Variants in ARVCF observed in about 807,000 individuals in gnomAD.
ARVCF encodes splicing regulator ARVCF.
In ARVCF, 66 loss-of-function variants were observed where a neutral mutation model predicts 90.9. That is an observed-to-expected ratio of 0.73 (90% CI 0.60 to 0.89). ARVCF has a LOEUF of 0.89. Among genes scored for constraint, ARVCF ranks in the 40% least tolerant of loss-of-function variants. The pLI is 0.00. For missense variants in ARVCF, 1,469 were observed against 1,382.3 expected, an observed-to-expected ratio of 1.06 and a Z score of -1.00; for synonymous variants, 653 against 603.4, an observed-to-expected ratio of 1.08 and a Z score of -1.21.
In ARVCF at chr22:19,974,115, C is replaced by G; in HGVS notation, c.2085G>C (p.Trp695Cys). The change falls in exon 12 of 20, where the codon TGG becomes TGC. Residue 695 changes from tryptophan (W) to cysteine (C), a missense_variant. By Grantham distance (215) the Trp-to-Cys change is radical. Coordinates refer to ENST00000263207, the MANE Select transcript of ARVCF (RefSeq NM_001670.3). Reference sequence around the variant, plus strand: ...CCTGCCCGACCTGGTCCCTCACCATCCAGTTGCCGGCACTGAGGTTCTGCA... The same window carrying G: ...CCTGCCCGACCTGGTCCCTCACCATGCAGTTGCCGGCACTGAGGTTCTGCA... Reference protein sequence around the residue: ...GALQNLSAGNWMWATYIRATV... With the variant: ...GALQNLSAGNCMWATYIRATV... 1 of 1,609,382 alleles carries G rather than the reference C, an allele frequency of 6.2e-7. No homozygotes were observed. The highest frequency in any genetic ancestry group is 8.5e-7 in the Non-Finnish European group (1 of 1,178,092).
intron 3 of ARVCF, among the ~76,000 whole-genome samples, chr22:19,986,293 C>T (rs1943761198): frequency 2.0e-5 from 3 of 152,218 alleles, no homozygotes; most frequent in African/African-American, 7.2e-5. Context: ...CCTAGTTGCC[C>T]AGGTAGCAGG....
chr22:19,985,981 A>G (rs771052476), intron 3 of ARVCF, among the ~76,000 whole-genome samples: 5 of 152,230 alleles, frequency 3.3e-5, no homozygotes, highest in Admixed American at 6.5e-5. Context: ...GCCCTTGGCC[A>G]CCACAAAATG....
At chr22:20,000,501 TCCCACCGC>T in intron 2 of ARVCF, among the ~76,000 whole-genome samples, 1 of 77,316 alleles carries the variant, frequency 1.3e-5, no homozygotes, top group Non-Finnish European at 2.4e-5. Flanking sequence ...CCCATCTGGC[TCCCACCGC>T]CACATACCAG....
In ARVCF at chr22:19,989,726, ACT is replaced by A. The variant is rs540179264; in HGVS notation, c.210+857_210+858del. On this transcript the variant is annotated intron_variant, in intron 3 of 19. Transcript: ENST00000263207. ...CAGGGAGCTGAGCCAGGGAGACAGG[ACT>A]CTGCAGGGAGAGCCCTCTAGGGTCA... 1.4e-3 allele frequency among the ~76,000 whole-genome samples: 215 copies of A among 151,796 alleles called. 3 individuals carry two copies. The highest frequency in any genetic ancestry group is 6.8e-3 in the Middle Eastern group (2 of 294).
chr22:19,987,335 A>G (rs1327269810), intron 3 of ARVCF: 14 of 218,016 alleles, frequency 6.4e-5, no homozygotes, highest in Non-Finnish European at 5.6e-5. Flanking sequence ...CCCCCCAGAG[A>G]CAGGGGGCGG....
intron 1 of ARVCF, among the ~76,000 whole-genome samples, chr22:20,011,908 A>C (rs1163366821): frequency 6.6e-6 from 1 of 151,652 alleles, no homozygotes; most frequent in Non-Finnish European, 1.5e-5. Flanking sequence ...CGGAGTCACC[A>C]TGTGCCACAG....
intron 2 of ARVCF, among the ~76,000 whole-genome samples, chr22:19,994,867 G>A (rs1192628272): frequency 1.3e-5 from 2 of 149,552 alleles, no homozygotes; most frequent in Non-Finnish European, 3.0e-5. Context: ...AAAAACAGAC[G>A]CATAGATGGG....
intron 1 of ARVCF, among the ~76,000 whole-genome samples, chr22:20,013,244 G>A (rs1385446797): frequency 6.6e-6 from 1 of 152,266 alleles, no homozygotes; most frequent in Non-Finnish European, 1.5e-5. Context: ...CACTTCTGCT[G>A]TGGACATTGA....
At chr22:20,008,707 C>T (rs529427674) in intron 2 of ARVCF, among the ~76,000 whole-genome samples, 17 of 152,318 alleles carry the variant, frequency 1.1e-4, no homozygotes, top group African/African-American at 3.4e-4. Context: ...AGCAGGCAGC[C>T]GCAAGCCAGA....
intron 1 of ARVCF, among the ~76,000 whole-genome samples, chr22:20,012,849 G>A (rs1382310449): frequency 6.6e-6 from 1 of 152,276 alleles, no homozygotes; most frequent in Non-Finnish European, 1.5e-5. Flanking sequence ...AGATTGGCAA[G>A]CTACAGTCCT....
intron 1 of ARVCF, among the ~76,000 whole-genome samples, chr22:20,010,861 T>C (rs953379690): frequency 6.6e-6 from 1 of 152,114 alleles, no homozygotes; most frequent in Non-Finnish European, 1.5e-5. Context: ...CTCAGGGTCC[T>C]GTTGCCCCAC....
chr22:19,965,222 T>A (rs562666916), downstream of ARVCF: 1 of 152,744 alleles, frequency 6.5e-6, no homozygotes, highest in South Asian at 2.1e-4. Flanking sequence ...GTTAGACCTG[T>A]CTTCTGGAGC....
Position 19,971,934 on chromosome 22 carries a change from T to C in ARVCF, c.2733A>G (p.Pro911=), listed in dbSNP as rs202105687. The change falls in exon 18 of 20, where the codon CCA becomes CCG. Residue 911 remains proline, a synonymous_variant. Coordinates refer to ENST00000263207, the MANE Select transcript of ARVCF (RefSeq NM_001670.3). The stretch of plus-strand genomic sequence containing the variant: ...CCTCTCCTGCAGAGCTGGCGCCCCG[T>C]GGCCTCCGCTCCCTCCGGTCCACCG... ...YSTVDRRERR[P]RGASSAGEAS... is the part of the protein sequence containing the mutation. 29 of 1,612,908 alleles carry C rather than the reference T, an allele frequency of 1.8e-5. No homozygotes were observed. The highest frequency in any genetic ancestry group is 2.4e-5 in the Non-Finnish European group (28 of 1,179,704).
At chr22:20,013,494 C>T (rs889797283) in intron 1 of ARVCF, among the ~76,000 whole-genome samples, 49 of 152,214 alleles carry the variant, frequency 3.2e-4, no homozygotes, top group African/African-American at 1.1e-3. Context: ...GCTTGGAGGC[C>T]GAGCTCCGGT....
chr22:19,965,875 C>T (rs980082436), downstream of ARVCF, among the ~76,000 whole-genome samples: 1 of 152,064 alleles, frequency 6.6e-6, no homozygotes, highest in South Asian at 2.1e-4. Flanking sequence ...GGGGGGCTCA[C>T]CCCTGACAAA....
At chr22:19,989,775 C>T (rs1025318715) in intron 3 of ARVCF, among the ~76,000 whole-genome samples, 15 of 152,018 alleles carry the variant, frequency 9.9e-5, no homozygotes, top group African/African-American at 3.6e-4. Flanking sequence ...ACCCAGAGGC[C>T]GCAGCAGGAG....
intron 3 of ARVCF, among the ~76,000 whole-genome samples, chr22:19,989,996 A>G (rs1943965286): frequency 6.6e-6 from 1 of 152,160 alleles, no homozygotes; most frequent in African/African-American, 2.4e-5. Context: ...TACAGGTTAG[A>G]GCACTGGGGT....
rs114791239 is a variant in ARVCF at position 19,976,768 on chromosome 22, C to G, written c.1871-45G>C. Reference sequence around the variant, plus strand: ...AGAGGAGAGAGGAGAGGAGCCTGAACAGGCAGCACTCATCACCCCCCCATG... The same window carrying G: ...AGAGGAGAGAGGAGAGGAGCCTGAAGAGGCAGCACTCATCACCCCCCCATG... On this transcript the variant is annotated intron_variant, in intron 9 of 19. Coordinates refer to ENST00000263207, the MANE Select transcript of ARVCF (RefSeq NM_001670.3). The G allele has an allele frequency of 6.1e-5, 95 of 1,552,832 alleles. 1 individual carries two copies. In the African/African-American group the frequency reaches 1.3e-3, roughly 20 times the overall value.
chr22:20,015,315 G>T (rs932407964), intron 1 of ARVCF, among the ~76,000 whole-genome samples: 1 of 152,154 alleles, frequency 6.6e-6, no homozygotes, highest in Non-Finnish European at 1.5e-5. Context: ...CAGACATTGC[G>T]GATAGGATGG....
Sources: gnomAD v4.1 joint callset for allele counts (sites outside exome capture counted in the v4.1 genomes callset) on GRCh38, gnomAD v4.1.1 for gene constraint, MANE v1.5 for transcripts, NCBI Gene and HGNC (gene_info 2026-07-23, HGNC 2026-07-21) for gene names.